SSH3: variants seen among roughly 807,000 people sequenced by gnomAD.
SSH3 encodes the protein protein phosphatase Slingshot homolog 3.
In SSH3, 67 loss-of-function variants were observed where a neutral mutation model predicts 75.0. That is an observed-to-expected ratio of 0.89 (90% CI 0.73 to 1.10). The LOEUF (loss-of-function observed/expected upper bound fraction) is 1.10, where lower values mean the gene tolerates loss of function less well. SSH3 is among the 50% of genes least tolerant of loss of function. SSH3 has a pLI of 0.00. For synonymous variants in SSH3, 318 were observed against 349.2 expected (o/e 0.91, Z 1.00); for missense variants, 824 against 872.7 (o/e 0.94, Z 0.70).
In SSH3 at chr11:67,308,078, T is replaced by C; in HGVS notation, c.886-96T>C. 1.3e-6 allele frequency: 2 copies of C among 1,586,494 alleles called. No homozygotes were observed. The highest frequency in any genetic ancestry group is 1.7e-6 in the Non-Finnish European group (2 of 1,166,706). ...TGGCCTTGGCCCTAATCCATCTAGA[T>C]GGGATAGGGTGCTGTCCTCAGAGGT... is the stretch of plus-strand genomic sequence containing the variant. On this transcript the variant is annotated intron_variant, in intron 8 of 13. Coordinates refer to ENST00000308127, the MANE Select transcript of SSH3 (RefSeq NM_017857.4). This position sits in a 1 kb window ranked among gnomAD's most constrained non-coding sequence, Gnocchi z 4.9.
Position 67,311,939 on chromosome 11 carries a change from T to C in SSH3, c.*52T>C. 6.3e-7 allele frequency: 1 copy of C among 1,591,324 alleles called. No individual in the cohort carries two copies. Among genetic ancestry groups the C allele is most frequent in the African/African-American group, 1.4e-5 (1 of 73,606 alleles). ...GACACTGAAGAGGATCCACAACTCC[T>C]TGGAGAAACACCCTCACGTCTGTTG... On this transcript the variant is annotated 3_prime_UTR_variant, in exon 14 of 14. Coordinates refer to ENST00000308127, the MANE Select transcript of SSH3 (RefSeq NM_017857.4).
intron 11 of SSH3, 79 bp from the exon 12 acceptor site, chr11:67,309,689 C>T (rs956311855): frequency 1.3e-6 from 2 of 1,591,166 alleles, no homozygotes. Flanking sequence ...TGGTTGTGAG[C>T]CCTTCACCTG....
At chr11:67,309,368 T>G in intron 10 of SSH3, 29 bp from the exon 11 acceptor site, 2 of 1,613,654 alleles carry the variant, frequency 1.2e-6, no homozygotes, top group Non-Finnish European at 1.7e-6. Flanking sequence ...TCTGCCCACA[T>G]CAGCCTGGCC....
At position 67,308,527 on chromosome 11, in the gene SSH3, T is replaced by C. The variant is rs1861317569; in HGVS notation, c.1061+69T>C. 3.2e-6 allele frequency: 5 copies of C among 1,538,858 alleles called. No individual in the cohort carries two copies. Among genetic ancestry groups the C allele is most frequent in the Non-Finnish European group, 4.4e-6 (5 of 1,138,378 alleles). On this transcript the variant is annotated intron_variant, in intron 10 of 13. Transcript: ENST00000308127. This position sits in a 1 kb window ranked among gnomAD's most constrained non-coding sequence, Gnocchi z 4.9. ...CTCCTGGCCTCCCCGCATTGGGTGG[T>C]AGCCAGCTTCAAAAACCCCTGGACC...
chr11:67,306,707 A>G (rs1861254613), intron 3 of SSH3, 131 bp from the exon 4 acceptor site: 1 of 1,138,534 alleles, frequency 8.8e-7, no homozygotes, highest in Admixed American at 2.9e-5. Flanking sequence ...TTACCCACTG[A>G]TTTTACATCT....
chr11:67,305,483 C>G, intron 3 of SSH3, among the ~76,000 whole-genome samples: 1 of 152,158 alleles, frequency 6.6e-6, no homozygotes, highest in South Asian at 2.1e-4. Flanking sequence ...CCACCGCGCC[C>G]GGCCTGGGCA....
At chr11:67,303,822 C>G (rs897262836) in intron 1 of SSH3, 131 bp downstream of exon 1, 8 of 979,422 alleles carry the variant, frequency 8.2e-6, no homozygotes, top group Non-Finnish European at 1.1e-5. Context: ...CTGGAGGGCG[C>G]TGGGGGCCTC....
rs1861280389 is a variant in SSH3 at position 67,307,528 on chromosome 11, C to T, written c.603-21C>T. On this transcript the variant is annotated intron_variant, in intron 6 of 13. Transcript: ENST00000308127. The surrounding 1 kb of genome is among the most constrained non-coding windows in gnomAD (Gnocchi z 4.2). ...AGGGCAGCAAGGGAACAGTGTGACCCAGCCTCTCCTCCTGTCTCAGGGCCA... is the reference window on the plus strand; with the variant it reads ...AGGGCAGCAAGGGAACAGTGTGACCTAGCCTCTCCTCCTGTCTCAGGGCCA... 1.2e-6 allele frequency: 2 copies of T among 1,610,310 alleles called. No homozygotes were observed. Among genetic ancestry groups the T allele is most frequent in the South Asian group, 1.1e-5 (1 of 90,968 alleles).
intron 10 of SSH3, 44 bp from the exon 11 acceptor site, chr11:67,309,353 G>T (rs1218737925): frequency 6.2e-7 from 1 of 1,610,564 alleles, no homozygotes; most frequent in Admixed American, 1.7e-5. Context: ...AGTGGGCCTG[G>T]TACCTCTGCC....
At chr11:67,310,029 G>A in intron 12 of SSH3, 37 bp from the exon 13 acceptor site, 6 of 1,610,216 alleles carry the variant, frequency 3.7e-6, no homozygotes, top group Non-Finnish European at 5.1e-6. Context: ...GTGGCTGCTG[G>A]GTCACTCAGA....
In SSH3 at chr11:67,310,330, C is replaced by T; in HGVS notation, c.1674C>T (p.Asp558=). Residue 558 remains aspartate (D), a synonymous_variant, in exon 13 of 14, where the codon GAC becomes GAT. Transcript: ENST00000308127. ...TGGAGAGCACCTCAGAGACCAGTGACATGCCAGAGGTGAGGCTGGGGCTGG... is the reference window on the plus strand; with the variant it reads ...TGGAGAGCACCTCAGAGACCAGTGATATGCCAGAGGTGAGGCTGGGGCTGG... ...LELESTSETS[D]MPEVFSSHES... is the part of the protein sequence containing the mutation. The T allele has an allele frequency of 6.2e-7, 1 of 1,608,278 alleles. No homozygotes were observed. Among genetic ancestry groups the T allele is most frequent in the Non-Finnish European group, 8.5e-7 (1 of 1,176,186 alleles).
Position 67,308,517 on chromosome 11 carries a change from C to T in SSH3, c.1061+59C>T. On this transcript the variant is annotated intron_variant, in intron 10 of 13. Coordinates refer to ENST00000308127, the MANE Select transcript of SSH3 (RefSeq NM_017857.4). The surrounding 1 kb of genome is among the most constrained non-coding windows in gnomAD (Gnocchi z 4.9). ...ATCTTCCCTTCTCCTGGCCTCCCCG[C>T]ATTGGGTGGTAGCCAGCTTCAAAAA... 6.5e-7 allele frequency: 1 copy of T among 1,545,876 alleles called. No homozygotes were observed. The highest frequency in any genetic ancestry group is 8.7e-7 in the Non-Finnish European group (1 of 1,143,956).
rs888479896 is a variant in SSH3, at chr11:67,309,519, C to T, written c.1184C>T (p.Thr395Met). Residue 395 changes from threonine to methionine, a missense_variant, in exon 11 of 14, where the codon ACG becomes ATG. Physicochemically the swap from Thr to Met is moderately conservative, Grantham distance 81. Transcript: ENST00000308127. Reference protein sequence around the residue: ...SAQLLPHWKETHRFIEAARAQ... With the variant: ...SAQLLPHWKEMHRFIEAARAQ... ...CAGCTGCTGCCGCACTGGAAGGAGACGCACCGCTTCATTGAGGCTGCAAGG... is the reference window on the plus strand; with the variant it reads ...CAGCTGCTGCCGCACTGGAAGGAGATGCACCGCTTCATTGAGGCTGCAAGG... 7.4e-6 allele frequency: 12 copies of T among 1,613,828 alleles called. No homozygotes were observed. Among genetic ancestry groups the T allele is most frequent in the South Asian group, 3.3e-5 (3 of 91,090 alleles).
Position 67,310,418 on chromosome 11 carries a change from G to A in SSH3, c.1683+79G>A, listed in dbSNP as rs1038857471. 46 of 1,510,824 alleles carry A rather than the reference G, an allele frequency of 3.0e-5. No individual in the cohort carries two copies. In the East Asian group the frequency reaches 5.0e-4, roughly 16 times the overall value. 93.6% of individuals were successfully genotyped at this position (1,510,824 alleles called of 1,614,324 possible). Reference sequence around the variant, plus strand: ...GAGATGGGGAAAGACCAGGATGGGCGTTTGACTGTAGACCTGAGCAGGGCG... The same window carrying A: ...GAGATGGGGAAAGACCAGGATGGGCATTTGACTGTAGACCTGAGCAGGGCG... On this transcript the variant is annotated intron_variant, in intron 13 of 13. Coordinates refer to ENST00000308127, the MANE Select transcript of SSH3 (RefSeq NM_017857.4).
chr11:67,304,742 G>A, intron 2 of SSH3, 31 bp from the exon 3 acceptor site: 2 of 1,566,600 alleles, frequency 1.3e-6, no homozygotes, highest in Non-Finnish European at 8.7e-7. Context: ...GGGGAATGAG[G>A]AGCCATGACA....
Position 67,303,549 on chromosome 11 carries a change from G to C in SSH3, c.-77G>C. The C allele has an allele frequency of 7.0e-7, 1 of 1,426,412 alleles. No individual in the cohort carries two copies. The highest frequency in any genetic ancestry group is 1.5e-5 in the African/African-American group (1 of 67,150). 88.4% of individuals were successfully genotyped at this position (1,426,412 alleles called of 1,614,324 possible). A position where few individuals can be genotyped will look rare whatever the true frequency, so the allele number is the denominator to read the frequency against. On this transcript the variant is annotated 5_prime_UTR_variant, in exon 1 of 14. Transcript: ENST00000308127. ...GGCGCCGTCCGTCCTTCCTGGTCCT[G>C]CGGGTCCAGGACTGTCCGCGGGGTT...
In SSH3 at chr11:67,307,962, G is replaced by C; in HGVS notation, c.885+23G>C. The C allele has an allele frequency of 6.2e-7, 1 of 1,613,554 alleles. No homozygotes were observed. The highest frequency in any genetic ancestry group is 1.3e-5 in the African/African-American group (1 of 75,054). On this transcript the variant is annotated intron_variant, in intron 8 of 13. Transcript: ENST00000308127. This position sits in a 1 kb window ranked among gnomAD's most constrained non-coding sequence, Gnocchi z 4.2. Reference sequence around the variant, plus strand: ...GAGGTGGGCAGGGGGCCCGGGGACTGAGTCCCCTCTAGCAGGGGCTGCAAG... The same window carrying C: ...GAGGTGGGCAGGGGGCCCGGGGACTCAGTCCCCTCTAGCAGGGGCTGCAAG...
intron 3 of SSH3, among the ~76,000 whole-genome samples, chr11:67,306,116 C>T (rs1052481012): frequency 2.6e-5 from 4 of 151,166 alleles, no homozygotes; most frequent in Non-Finnish European, 5.9e-5. Flanking sequence ...GGTGAAACCC[C>T]GTGTCTACTA....
chr11:67,305,057 A>G (rs1251539230), intron 3 of SSH3, 50 bp downstream of exon 3: 2 of 1,540,708 alleles, frequency 1.3e-6, no homozygotes, highest in African/African-American at 2.7e-5. Flanking sequence ...GACACGCCTG[A>G]GGGCAGAATG....
Sources: allele counts gnomAD v4.1 joint callset (sites outside exome capture counted in the v4.1 genomes callset), GRCh38; gene constraint gnomAD v4.1.1; non-coding constraint Gnocchi (gnomAD v3.1); transcripts MANE v1.5; gene names NCBI Gene and HGNC (gene_info 2026-07-23, HGNC 2026-07-21).